ZMIZ1: variants seen among roughly 807,000 people sequenced by gnomAD.
ZMIZ1 encodes zinc finger MIZ-type containing 1.
In ZMIZ1, 17 loss-of-function variants were observed where a neutral mutation model predicts 113.9. The observed-to-expected ratio is 0.15, with a 90% CI of 0.10 to 0.22. The LOEUF (loss-of-function observed/expected upper bound fraction) is 0.22. Ranked by LOEUF, ZMIZ1 falls within the 10% of genes least tolerant of loss-of-function variation. The probability of loss-of-function intolerance (pLI) is 1.00; values close to 1 mark genes in which losing one functional copy is unlikely to be tolerated. For synonymous variants in ZMIZ1, 607 were observed against 603.1 expected (o/e 1.01, Z -0.09); for missense variants, 1,059 against 1,477.8 (o/e 0.72, Z 4.65).
chr10:79,081,107 T>C (rs1035895894), intron 1 of ZMIZ1, among the ~76,000 whole-genome samples: 4 of 152,164 alleles, frequency 2.6e-5, no homozygotes, highest in African/African-American at 9.7e-5. Context: ...GCTCCCTCTG[T>C]CTAGAAAGTT....
intron 2 of ZMIZ1, among the ~76,000 whole-genome samples, chr10:79,123,801 G>A (rs1221024822): frequency 1.3e-5 from 2 of 152,206 alleles, no homozygotes; most frequent in African/African-American, 4.8e-5. Flanking sequence ...TACATAGGCG[G>A]TTTGGGGCTG....
chr10:79,170,194 G>A (rs1478212077), intron 4 of ZMIZ1, among the ~76,000 whole-genome samples: 3 of 152,206 alleles, frequency 2.0e-5, no homozygotes, highest in Non-Finnish European at 4.4e-5. Flanking sequence ...GCCAATCTGG[G>A]ACACACTGGT....
chr10:79,081,042 T>C (rs1842640725), intron 1 of ZMIZ1, among the ~76,000 whole-genome samples: 1 of 152,164 alleles, frequency 6.6e-6, no homozygotes, highest in African/African-American at 2.4e-5. Context: ...ATAGAGCACC[T>C]TCCCATGTGG....
intron 17 of ZMIZ1, among the ~76,000 whole-genome samples, chr10:79,301,467 T>A (rs1854296527): frequency 2.6e-5 from 4 of 151,946 alleles, no homozygotes; most frequent in African/African-American, 9.7e-5. Flanking sequence ...TCAGCCACCC[T>A]CATGTCCCCT....
At chr10:79,213,572 CAA>C (rs1022005786) in intron 6 of ZMIZ1, among the ~76,000 whole-genome samples, 12 of 152,218 alleles carry the variant, frequency 7.9e-5, no homozygotes, top group African/African-American at 2.9e-4. Flanking sequence ...CCCTCTAGCT[CAA>C]GTTAGCTAGT....
chr10:79,280,795 A>C (rs923390786), intron 8 of ZMIZ1, among the ~76,000 whole-genome samples: 4 of 152,138 alleles, frequency 2.6e-5, no homozygotes, highest in Non-Finnish European at 4.4e-5. Context: ...TAAAAAGACA[A>C]AACCTGCCTC....
chr10:79,208,695 G>A (rs1564526384), intron 6 of ZMIZ1, among the ~76,000 whole-genome samples: 1 of 152,238 alleles, frequency 6.6e-6, no homozygotes, highest in African/African-American at 2.4e-5. Flanking sequence ...CACTTGATGA[G>A]AAAGACGCAG....
chr10:79,163,765 C>G (rs1226979658), intron 4 of ZMIZ1, among the ~76,000 whole-genome samples: 1 of 152,256 alleles, frequency 6.6e-6, no homozygotes, highest in African/African-American at 2.4e-5. Context: ...CTTTGCCCAG[C>G]CCGCCAAGTC....
At chr10:79,110,055 T>C (rs1843684439) in intron 1 of ZMIZ1, among the ~76,000 whole-genome samples, 5 of 152,260 alleles carry the variant, frequency 3.3e-5, no homozygotes, top group Admixed American at 3.3e-4. Context: ...TGCTAGGCAC[T>C]TGGGGGTGGC....
At chr10:79,082,953 C>T (rs1000145951) in intron 1 of ZMIZ1, among the ~76,000 whole-genome samples, 7 of 152,116 alleles carry the variant, frequency 4.6e-5, no homozygotes, top group Admixed American at 3.3e-4. Context: ...TGCCTCCCCT[C>T]GCCCAGCTAC....
At chr10:79,087,490 G>T (rs543316955) in intron 1 of ZMIZ1, among the ~76,000 whole-genome samples, 12 of 152,224 alleles carry the variant, frequency 7.9e-5, no homozygotes, top group Middle Eastern at 6.8e-3. Flanking sequence ...CCACCTTCTG[G>T]ATGTTTCTCC....
At position 79,289,730 on chromosome 10, in the gene ZMIZ1, TG is replaced by T. The variant is rs774207515; in HGVS notation, c.426-44del. On this transcript the variant is annotated intron_variant, in intron 8 of 24. Coordinates refer to ENST00000334512, the MANE Select transcript of ZMIZ1 (RefSeq NM_020338.4). ...TGATGGGCATGGCCTGTCTTGAGTC[TG>T]TGCCTGCCAGGCCCTGAAGATCTCC... The T allele has an allele frequency of 2.6e-6, 4 of 1,565,146 alleles. No homozygotes were observed. In the Admixed American group the frequency reaches 6.7e-5, roughly 26 times the overall value.
intron 4 of ZMIZ1, among the ~76,000 whole-genome samples, chr10:79,175,633 G>GT (rs1216136831): frequency 0.048 from 3,506 of 72,526 alleles, 180 homozygotes; most frequent in African/African-American, 0.17. Context: ...TGTGTGTGGA[G>GT]GTTTTTACAG....
At position 79,286,581 on chromosome 10, in the gene ZMIZ1, G is replaced by A. The variant is rs1853097746; in HGVS notation, c.426-3194G>A. Reference sequence around the variant, plus strand: ...CAGCAGGGCCTCGCGTGTGTGCACGGATGTGTCCTCCATATGCCTGCGTGC... The same window carrying A: ...CAGCAGGGCCTCGCGTGTGTGCACGAATGTGTCCTCCATATGCCTGCGTGC... On this transcript the variant is annotated intron_variant, in intron 8 of 24. Transcript: ENST00000334512. Among the ~76,000 whole-genome samples the A allele has an allele frequency of 2.0e-5, 3 of 152,272 alleles. No individual in the cohort carries two copies. In the South Asian group the frequency reaches 6.2e-4, roughly 32 times the overall value.
Position 79,149,553 on chromosome 10 carries a change from C to T in ZMIZ1, c.-131+9776C>T, listed in dbSNP as rs1845626867. Among the ~76,000 whole-genome samples the T allele has an allele frequency of 2.0e-5, 3 of 152,214 alleles. No individual in the cohort carries two copies. The South Asian group carries it at 6.2e-4, about 31-fold the overall frequency. On this transcript the variant is annotated intron_variant, in intron 3 of 24. Coordinates refer to ENST00000334512, the MANE Select transcript of ZMIZ1 (RefSeq NM_020338.4). ...TGCAGCCCCTGGGCCAAGCTCCCCT[C>T]CCACCCAGACTCCTCCAGACACTTC...
chr10:79,303,988 C>A (rs370880258), intron 18 of ZMIZ1, 27 bp from the exon 19 acceptor site: 3 of 1,612,888 alleles, frequency 1.9e-6, no homozygotes, highest in Non-Finnish European at 2.5e-6. Context: ...TTGCCATCCT[C>A]ACCTGTCTGT....
intron 7 of ZMIZ1, among the ~76,000 whole-genome samples, chr10:79,218,802 G>A (rs540958121): frequency 1.2e-4 from 18 of 152,288 alleles, no homozygotes; most frequent in African/African-American, 4.1e-4. Context: ...CTGTGCAAAG[G>A]TGTTGAGGTA....
At chr10:79,132,325 C>G (rs914547186) in intron 2 of ZMIZ1, among the ~76,000 whole-genome samples, 1 of 152,110 alleles carries the variant, frequency 6.6e-6, no homozygotes, top group African/African-American at 2.4e-5. Context: ...TAATACATGG[C>G]AGGGGAGCTA....
At chr10:79,076,126 C>T (rs1476654605) in intron 1 of ZMIZ1, among the ~76,000 whole-genome samples, 1 of 152,220 alleles carries the variant, frequency 6.6e-6, no homozygotes, top group Non-Finnish European at 1.5e-5. Flanking sequence ...GTTACCTGGT[C>T]TGGCCTTTCC....
Sources: gnomAD v4.1 joint callset for allele counts (sites outside exome capture counted in the v4.1 genomes callset) on GRCh38, gnomAD v4.1.1 for gene constraint, MANE v1.5 for transcripts, NCBI Gene and HGNC (gene_info 2026-07-23, HGNC 2026-07-21) for gene names.